The following SOX6 variants were observed in gnomAD, a reference collection of about 807,000 sequenced individuals.
SOX6 encodes transcription factor SOX-6.
SOX6 carries 11 observed loss-of-function variants against 97.8 expected under a neutral mutation model. The observed-to-expected ratio is 0.11, with a 90% confidence interval of 0.07 to 0.19. The LOEUF (loss-of-function observed/expected upper bound fraction) is 0.19, where lower values mean the gene tolerates loss of function less well. SOX6 is among the 10% of genes least tolerant of loss of function. The probability of loss-of-function intolerance (pLI) is 1.00; values close to 1 mark genes in which losing one functional copy is unlikely to be tolerated. For synonymous variants in SOX6, 360 were observed against 371.4 expected, an observed-to-expected ratio of 0.97 and a Z score of 0.35; for missense variants, 810 against 1,039.5, an observed-to-expected ratio of 0.78 and a Z score of 3.04.
At chr11:16,521,029 G>C (rs991603752) in intron 4 of SOX6, among the ~76,000 whole-genome samples, 2 of 152,212 alleles carry the variant, frequency 1.3e-5, no homozygotes, top group Non-Finnish European at 2.9e-5. Context: ...CCCTGCCTCT[G>C]TAGGCTCCAC....
chr11:16,513,984 G>A (rs945141040), intron 4 of SOX6, among the ~76,000 whole-genome samples: 1 of 152,064 alleles, frequency 6.6e-6, no homozygotes, highest in African/African-American at 2.4e-5. Context: ...GCCAATGCGG[G>A]AGAATTGCTT....
At chr11:16,349,783 A>C (rs954777319) in intron 1 of SOX6, among the ~76,000 whole-genome samples, 1 of 151,608 alleles carries the variant, frequency 6.6e-6, no homozygotes, top group Admixed American at 6.6e-5. Flanking sequence ...AGCAAGCAAG[A>C]AAGAAAATAT....
At chr11:16,320,618 T>C (rs1855892073) in intron 2 of SOX6, among the ~76,000 whole-genome samples, 1 of 152,120 alleles carries the variant, frequency 6.6e-6, no homozygotes. Flanking sequence ...GATTTGGGAA[T>C]GGGACTAAAG....
chr11:16,584,104 C>G (rs1329480401), intron 4 of SOX6, among the ~76,000 whole-genome samples: 3 of 152,060 alleles, frequency 2.0e-5, no homozygotes, highest in Admixed American at 6.6e-5. Context: ...CTCCAGTCAC[C>G]TTTTAGTTTA....
chr11:16,432,635 A>G (rs1257178915), intron 1 of SOX6, among the ~76,000 whole-genome samples: 5 of 151,926 alleles, frequency 3.3e-5, no homozygotes, highest in Non-Finnish European at 7.4e-5. Flanking sequence ...ATTTGTGGTG[A>G]TTAGAATCAT....
chr11:16,735,991 G>GA (rs1486702231), intron 2 of SOX6, among the ~76,000 whole-genome samples: 1 of 151,994 alleles, frequency 6.6e-6, no homozygotes, highest in East Asian at 1.9e-4. Flanking sequence ...TAAATGTTGG[G>GA]AAAATTTAAA....
At chr11:16,168,924 C>T (rs1029039775) in intron 6 of SOX6, among the ~76,000 whole-genome samples, 17 of 152,146 alleles carry the variant, frequency 1.1e-4, no homozygotes, top group African/African-American at 3.4e-4. Flanking sequence ...ACAATTTCTT[C>T]GCCTTTTCTA....
intron 4 of SOX6, among the ~76,000 whole-genome samples, chr11:16,490,251 A>G (rs1013042287): frequency 6.6e-6 from 1 of 152,218 alleles, no homozygotes; most frequent in Admixed American, 6.5e-5. Context: ...AATTTTATTT[A>G]CAAGAACAGG....
chr11:16,484,964 T>G (rs1860404218), intron 4 of SOX6, among the ~76,000 whole-genome samples: 2 of 152,184 alleles, frequency 1.3e-5, no homozygotes, highest in Admixed American at 1.3e-4. Flanking sequence ...TTACATTTTT[T>G]TAAAATGTAT....
chr11:16,424,056 G>A (rs540410636), intron 1 of SOX6, among the ~76,000 whole-genome samples: 18 of 152,234 alleles, frequency 1.2e-4, no homozygotes, highest in African/African-American at 3.9e-4. Flanking sequence ...TATGGAATTA[G>A]GCAATCTCTA....
chr11:16,020,788 C>T (rs989845988), intron 12 of SOX6, among the ~76,000 whole-genome samples: 1 of 152,064 alleles, frequency 6.6e-6, no homozygotes, highest in Non-Finnish European at 1.5e-5. Context: ...TCATGTGCAC[C>T]ACCAAGTCTC....
chr11:16,176,006 T>C (rs1043331168), intron 6 of SOX6, among the ~76,000 whole-genome samples: 7 of 151,672 alleles, frequency 4.6e-5, no homozygotes, highest in African/African-American at 1.7e-4. Flanking sequence ...TTTTAACTCA[T>C]CATGAACTAT....
At chr11:16,509,636 C>T (rs544696479) in intron 4 of SOX6, among the ~76,000 whole-genome samples, 11 of 152,028 alleles carry the variant, frequency 7.2e-5, no homozygotes, top group Admixed American at 5.9e-4. Context: ...GACAGGAGAA[C>T]GAGTCATGAT....
At chr11:16,595,127 G>C (rs1335423630) in intron 4 of SOX6, among the ~76,000 whole-genome samples, 1 of 151,764 alleles carries the variant, frequency 6.6e-6, no homozygotes, top group Non-Finnish European at 1.5e-5. Flanking sequence ...TAAATTTCAC[G>C]TCTTTTTCCC....
intron 12 of SOX6, among the ~76,000 whole-genome samples, chr11:16,017,215 T>C (rs1854911531): frequency 6.6e-6 from 1 of 152,028 alleles, no homozygotes; most frequent in Admixed American, 6.6e-5. Flanking sequence ...TTCAGAACAT[T>C]CAACAACACA....
At chr11:16,105,814 G>A (rs1254742478) in intron 7 of SOX6, among the ~76,000 whole-genome samples, 3 of 152,072 alleles carry the variant, frequency 2.0e-5, no homozygotes, top group Non-Finnish European at 2.9e-5. Flanking sequence ...AAATCCCAAA[G>A]AGTCCCTGAG....
At chr11:16,284,069 C>A (rs184086342) in intron 3 of SOX6, among the ~76,000 whole-genome samples, 5 of 152,128 alleles carry the variant, frequency 3.3e-5, no homozygotes, top group Admixed American at 3.3e-4. Flanking sequence ...GTGTTATTTT[C>A]AACCCTAAAA....
intron 9 of SOX6, among the ~76,000 whole-genome samples, chr11:16,080,496 A>G (rs1372292677): frequency 1.3e-5 from 2 of 152,170 alleles, no homozygotes; most frequent in Admixed American, 6.5e-5. Context: ...TGTGCTTAAA[A>G]CATAGGCACA....
At chr11:16,246,433 C>T (rs1032174854) in intron 3 of SOX6, among the ~76,000 whole-genome samples, 3 of 151,676 alleles carry the variant, frequency 2.0e-5, no homozygotes, top group Non-Finnish European at 1.5e-5. Context: ...AAATTAAAAT[C>T]TGCTAGCAAT....
Sources: allele counts gnomAD v4.1 joint callset (sites outside exome capture counted in the v4.1 genomes callset), GRCh38; gene constraint gnomAD v4.1.1; transcripts MANE v1.5; gene names NCBI Gene and HGNC (gene_info 2026-07-23, HGNC 2026-07-21).